LRPPRC: variants seen among roughly 807,000 people sequenced by gnomAD.
LRPPRC encodes leucine-rich PPR motif-containing protein, mitochondrial.
LRPPRC carries 120 observed loss-of-function variants against 180.3 expected under a neutral mutation model. The ratio of observed to expected loss-of-function variants is 0.67; its 90% CI spans 0.57 to 0.77. The LOEUF is 0.77. Among genes scored for constraint, LRPPRC ranks in the 30% least tolerant of loss-of-function variants. LRPPRC has a pLI of 0.00. For missense variants in LRPPRC, 2,012 were observed against 1,657.2 expected (o/e 1.21, Z -3.72); for synonymous variants, 723 against 600.0 (o/e 1.21, Z -3.00).
chr2:43,915,224 TCTCTCTCTCACA>T (rs764872710), intron 29 of LRPPRC, among the ~76,000 whole-genome samples: 7,608 of 96,772 alleles, frequency 0.079, 186 homozygotes, highest in African/African-American at 0.13. Flanking sequence ...TCTCTCTCTC[TCTCTCTCTCACA>T]CACACACACA....
At chr2:43,927,039 A>G (rs1358133379) in intron 25 of LRPPRC, among the ~76,000 whole-genome samples, 3 of 152,224 alleles carry the variant, frequency 2.0e-5, no homozygotes, top group Non-Finnish European at 1.5e-5. Context: ...GGATACTGGA[A>G]TAAAAGACAA....
At position 43,973,654 on chromosome 2, in the gene LRPPRC, T is replaced by C. The variant is rs774319594; in HGVS notation, c.1322A>G (p.Tyr441Cys). 6 of 1,613,986 alleles carry C rather than the reference T, an allele frequency of 3.7e-6. No individual in the cohort carries two copies. The highest frequency in any genetic ancestry group is 2.2e-5 in the South Asian group (2 of 91,080). Residue 441 changes from tyrosine (Y) to cysteine (C), a missense_variant, in exon 11 of 38, where the codon TAT becomes TGT. Physicochemically the swap from Tyr to Cys is radical, Grantham distance 194 (BLOSUM62 -2). Transcript: ENST00000260665. ...KEEGFPIRPH[Y>C]FWPLLVGRRK... ...ACGTCCAACTAGCAATGGCCAGAAA[T>C]AGTGAGGTCTGATAGGAAAACCTTC... is the stretch of plus-strand genomic sequence containing the variant.
At chr2:43,969,988 A>C (rs1425166701) in intron 11 of LRPPRC, among the ~76,000 whole-genome samples, 1 of 152,126 alleles carries the variant, frequency 6.6e-6, no homozygotes, top group Non-Finnish European at 1.5e-5. Context: ...AATAAATGTT[A>C]ATAGGAGCAA....
At chr2:43,935,907 A>C (rs1204959527) in intron 23 of LRPPRC, among the ~76,000 whole-genome samples, 2 of 152,060 alleles carry the variant, frequency 1.3e-5, no homozygotes, top group African/African-American at 2.4e-5. Context: ...GAGGTGGAGA[A>C]ACCCCATCTC....
At position 43,957,503 on chromosome 2, in the gene LRPPRC, C is replaced by G. The variant is rs777533381; in HGVS notation, c.1583-52G>C. The G allele has an allele frequency of 3.9e-6, 5 of 1,288,150 alleles. No homozygotes were observed. The Admixed American group carries it at 6.7e-5, about 17-fold the overall frequency. 79.8% of individuals were successfully genotyped at this position (1,288,150 alleles called of 1,614,324 possible). ...ATCTCAGACCAAACAAATTTAAAAA[C>G]CCTGTATTATCAAATTGAAAACATA... On this transcript the variant is annotated intron_variant, in intron 13 of 37. Transcript: ENST00000260665.
At chr2:43,987,211 T>A (rs1031738031) in intron 1 of LRPPRC, among the ~76,000 whole-genome samples, 5 of 152,168 alleles carry the variant, frequency 3.3e-5, no homozygotes, top group African/African-American at 1.2e-4. Flanking sequence ...TGTTTGGTAA[T>A]GAGCCGGACG....
chr2:43,982,962 A>G (rs1049133625), intron 1 of LRPPRC, among the ~76,000 whole-genome samples: 12 of 152,142 alleles, frequency 7.9e-5, no homozygotes, highest in African/African-American at 1.2e-4. Context: ...TTTAGGCCCA[A>G]ATAATTTCTA....
intron 29 of LRPPRC, among the ~76,000 whole-genome samples, chr2:43,916,315 A>G (rs146889057): frequency 1.7e-4 from 26 of 152,320 alleles, no homozygotes; most frequent in African/African-American, 5.8e-4. Context: ...CTGGAACAGT[A>G]TAAGAAGTCT....
chr2:43,974,559 G>GA, intron 8 of LRPPRC, 55 bp downstream of exon 8: 1 of 1,211,282 alleles, frequency 8.3e-7, no homozygotes, highest in Non-Finnish European at 1.2e-6. Flanking sequence ...CATCATGTAA[G>GA]AATAGCAATT....
At position 43,974,609 on chromosome 2, in the gene LRPPRC, A is replaced by G. The variant is rs768042124; in HGVS notation, c.1009+5T>C. 6.4e-7 allele frequency: 1 copy of G among 1,553,988 alleles called. No homozygotes were observed. The highest frequency in any genetic ancestry group is 8.9e-7 in the Non-Finnish European group (1 of 1,128,248). ...AATCATGTAAATAGATTTTTTTAAA[A>G]CTACCTGGAATATATCTTCTTTCAC... On this transcript the variant is annotated splice_donor_5th_base_variant and intron_variant, in intron 8 of 37. Transcript: ENST00000260665.
In LRPPRC at chr2:43,973,888, G is replaced by C; in HGVS notation, c.1168C>G (p.Leu390Val). 1 of 1,602,862 alleles carries C rather than the reference G, an allele frequency of 6.2e-7. No individual in the cohort carries two copies. The highest frequency in any genetic ancestry group is 8.5e-7 in the Non-Finnish European group (1 of 1,170,028). The change falls in exon 10 of 38, where the codon CTA (leucine) becomes GTA (valine). Residue 390 changes from leucine (L) to valine (V), a missense_variant. Transcript: ENST00000260665. ...CVTMNTPVEK[L>V]TDYCKKLKEV... ...TTTAACTTCTTACAGTAGTCTGTTA[G>C]CTTCTCCACAGGCTGTGGGAAAAAA...
In LRPPRC at chr2:43,905,753, T is replaced by C. The variant is rs770690377; in HGVS notation, c.3303A>G (p.Thr1101=). ...GGCGGCTGTTGGCAGCATCGTTCAG[T>C]GTGAAGCCCTTGATGTGGGTCTCCG... ...AFAETHIKGF[T]LNDAANSRLI... The change falls in exon 31 of 38, where the codon ACA becomes ACG. Residue 1101 remains threonine, a synonymous_variant. Coordinates refer to ENST00000260665, the MANE Select transcript of LRPPRC (RefSeq NM_133259.4). 1.1e-5 allele frequency: 17 copies of C among 1,613,626 alleles called. No individual in the cohort carries two copies. The highest frequency in any genetic ancestry group is 4.5e-5 in the East Asian group (2 of 44,890).
rs762527627 is a variant in LRPPRC, at chr2:43,982,233, A to T, written c.346+5T>A. 1 of 1,550,814 alleles carries T rather than the reference A, an allele frequency of 6.4e-7. No individual in the cohort carries two copies. The highest frequency in any genetic ancestry group is 2.1e-5 in the Admixed American group (1 of 48,116). On this transcript the variant is annotated splice_donor_5th_base_variant and intron_variant, in intron 2 of 37. Coordinates refer to ENST00000260665, the MANE Select transcript of LRPPRC (RefSeq NM_133259.4). ...CAACTTTATGAACAGGAAATTTTGAAATACCTGAGCGGCAGGTATCATTAA... is the reference window on the plus strand; with the variant it reads ...CAACTTTATGAACAGGAAATTTTGATATACCTGAGCGGCAGGTATCATTAA...
intron 25 of LRPPRC, among the ~76,000 whole-genome samples, chr2:43,930,199 G>T (rs889862903): frequency 6.6e-6 from 1 of 151,538 alleles, no homozygotes; most frequent in Non-Finnish European, 1.5e-5. Context: ...ATGTACTCCG[G>T]CTGCACCGTG....
intron 29 of LRPPRC, 31 bp downstream of exon 29, chr2:43,917,994 C>A (rs765595653): frequency 6.8e-5 from 98 of 1,442,482 alleles, no homozygotes; most frequent in African/African-American, 2.5e-4. Flanking sequence ...ACCACCCCCC[C>A]ACACACACCC....
chr2:43,996,040 T>A, upstream of LRPPRC: 1 of 1,305,134 alleles, frequency 7.7e-7, no homozygotes. Context: ...AGAGACCAAC[T>A]GCCGGGCGTG....
chr2:43,890,428 T>C (rs1670446620), intron 36 of LRPPRC: 2 of 449,560 alleles, frequency 4.4e-6, no homozygotes, highest in Admixed American at 2.6e-5. Flanking sequence ...ACAAAAAACC[T>C]ATAGGCCGGG....
chr2:43,892,610 C>T (rs1670531033), intron 36 of LRPPRC: 1 of 152,138 alleles, frequency 6.6e-6, no homozygotes, highest in Non-Finnish European at 1.5e-5. Flanking sequence ...TAATGTTGTT[C>T]TCAGGTGCCC....
intron 5 of LRPPRC, 138 bp downstream of exon 5, chr2:43,976,856 T>C (rs1674079432): frequency 2.9e-6 from 2 of 686,836 alleles, no homozygotes; most frequent in Non-Finnish European, 5.1e-6. Flanking sequence ...TAAGTCAGAT[T>C]ACCAGATTTT....
Sources: gnomAD v4.1 joint callset for allele counts (sites outside exome capture counted in the v4.1 genomes callset) on GRCh38, gnomAD v4.1.1 for gene constraint, MANE v1.5 for transcripts, NCBI Gene and HGNC (gene_info 2026-07-23, HGNC 2026-07-21) for gene names.